Variants in CMPK2 observed in about 807,000 individuals in gnomAD.
The protein encoded by CMPK2 is cytidine/uridine monophosphate kinase 2, also known as UMP-CMP kinase 2, mitochondrial.
In CMPK2, 32 loss-of-function variants were observed where a neutral mutation model predicts 33.4. That is an observed-to-expected ratio of 0.96 (90% confidence interval 0.72 to 1.29). The LOEUF (loss-of-function observed/expected upper bound fraction) is 1.29, where lower values mean the gene tolerates loss of function less well. Among genes scored for constraint, CMPK2 ranks in the 50% most tolerant of loss-of-function variants. CMPK2 has a pLI of 0.00. For synonymous variants in CMPK2, 299 were observed against 275.3 expected, an observed-to-expected ratio of 1.09 and a Z score of -0.85; for missense variants, 672 against 616.0, an observed-to-expected ratio of 1.09 and a Z score of -0.96.
rs774970256 is a variant in CMPK2, at chr2:6,849,604, T to C, written c.*246A>G. Reference sequence around the variant, plus strand: ...ACATATGTTCCAAGAAAATGTTTACTATGCCAGGAAGAAAGCAATCGCTGG... The same window carrying C: ...ACATATGTTCCAAGAAAATGTTTACCATGCCAGGAAGAAAGCAATCGCTGG... On this transcript the variant is annotated 3_prime_UTR_variant, in exon 5 of 5. Coordinates refer to ENST00000256722, the MANE Select transcript of CMPK2 (RefSeq NM_207315.4). 6 of 1,282,670 alleles carry C rather than the reference T, an allele frequency of 4.7e-6. No individual in the cohort carries two copies. In the South Asian group the frequency reaches 8.0e-5, roughly 17 times the overall value. 79.5% of individuals were successfully genotyped at this position (1,282,670 alleles called of 1,614,324 possible).
intron 3 of CMPK2, among the ~76,000 whole-genome samples, chr2:6,857,673 C>T (rs140016236): frequency 0.017 from 2,372 of 138,460 alleles, 65 homozygotes; most frequent in African/African-American, 0.061. Flanking sequence ...GTCTCGCTGT[C>T]GCCCAGGCTG....
intron 4 of CMPK2, chr2:6,851,210 A>G: frequency 7.6e-7 from 1 of 1,317,964 alleles, no homozygotes; most frequent in African/African-American, 1.5e-5. Context: ...CTCCTAGCAC[A>G]GCCAGGATCA....
chr2:6,861,989 G>A (rs1406022321), intron 2 of CMPK2: 2 of 152,922 alleles, frequency 1.3e-5, no homozygotes, highest in African/African-American at 2.4e-5. Context: ...TCGGGTGACA[G>A]ATTAGTCCCT....
Position 6,853,805 on chromosome 2 carries a change from G to A in CMPK2, c.993-2122C>T, listed in dbSNP as rs1397136022. Among the ~76,000 whole-genome samples the A allele has an allele frequency of 2.6e-5, 4 of 152,240 alleles. No individual in the cohort carries two copies. In the East Asian group the frequency reaches 7.7e-4, roughly 29 times the overall value. On this transcript the variant is annotated intron_variant, in intron 3 of 4. Transcript: ENST00000256722. The stretch of plus-strand genomic sequence containing the variant: ...TAGTCCCAGCTACTCGGGAGGCTGA[G>A]GCAGGAGAATGGCGTGAACCCGGAA...
At chr2:6,845,117 G>T (rs1662326257), downstream of CMPK2, among the ~76,000 whole-genome samples, 1 of 152,154 alleles carries the variant, frequency 6.6e-6, no homozygotes, top group African/African-American at 2.4e-5. Context: ...GCAGGGCAAA[G>T]AAAGCTTGTA....
intron 3 of CMPK2, among the ~76,000 whole-genome samples, chr2:6,860,930 C>A (rs1242710412): frequency 6.6e-6 from 1 of 152,138 alleles, no homozygotes; most frequent in Non-Finnish European, 1.5e-5. Context: ...TAACATTCAC[C>A]TACCCAAGTT....
chr2:6,845,828 A>T (rs1662346062), downstream of CMPK2, among the ~76,000 whole-genome samples: 1 of 152,194 alleles, frequency 6.6e-6, no homozygotes. Context: ...AAAAAATCCC[A>T]TTGTAGTTGA....
intron 3 of CMPK2, among the ~76,000 whole-genome samples, chr2:6,856,738 G>A (rs190600830): frequency 1.2e-4 from 19 of 152,226 alleles, no homozygotes; most frequent in Admixed American, 1.0e-3. Context: ...TTTGCAGTAT[G>A]GATAACTGCA....
At chr2:6,862,196 G>A (rs188426827) in intron 2 of CMPK2, 5 of 152,188 alleles carry the variant, frequency 3.3e-5, no homozygotes, top group South Asian at 2.1e-4. Flanking sequence ...TTGTCAGGAC[G>A]GACCCTAACA....
chr2:6,865,624 C>T lies in CMPK2; in HGVS notation c.73G>A (p.Gly25Arg), dbSNP rs919639146. Residue 25 changes from glycine to arginine, a missense_variant, in exon 1 of 5, where the codon GGG becomes AGG. By Grantham distance (125) the Gly-to-Arg change is moderately radical. Transcript: ENST00000256722. The stretch of plus-strand genomic sequence containing the variant: ...AAGCGGCGCGGCGGAGCCATGGCCC[C>T]AGCGCAGACCCCGCGCCGCCCGAGC... The part of the protein sequence containing the change: ...PLLGRRGVCA[G>R]AMAPPRRFVL... 49 of 1,373,516 alleles carry T rather than the reference C, an allele frequency of 3.6e-5. No individual in the cohort carries two copies. In the African/African-American group the frequency reaches 7.0e-4, roughly 20 times the overall value. The allele number at this position is 1,373,516 out of a possible 1,614,324, so 85.1% of individuals were successfully genotyped here. A position where few individuals can be genotyped will look rare whatever the true frequency, so the allele number is the denominator to read the frequency against.
rs180704183 is a variant in CMPK2, at chr2:6,854,716, T to C, written c.993-3033A>G. 7.1e-4 allele frequency among the ~76,000 whole-genome samples: 108 copies of C among 152,316 alleles called. 1 individual carries two copies. Among genetic ancestry groups the C allele is most frequent in the African/African-American group, 2.5e-3 (104 of 41,554 alleles). ...CACATTAGTTCAAATCAAAAGCAAT[T>C]TGCCAACACATTATACACTGCTCAT... is the stretch of plus-strand genomic sequence containing the variant. On this transcript the variant is annotated intron_variant, in intron 3 of 4. Coordinates refer to ENST00000256722, the MANE Select transcript of CMPK2 (RefSeq NM_207315.4).
rs775975788 is a variant in CMPK2, at chr2:6,865,126, G to A, written c.571C>T (p.Gln191Ter). 6.6e-7 allele frequency: 1 copy of A among 1,519,866 alleles called. No homozygotes were observed. The highest frequency in any genetic ancestry group is 1.4e-5 in the African/African-American group (1 of 69,608). 94.1% of individuals were successfully genotyped at this position (1,519,866 alleles called of 1,614,324 possible). A position where few individuals can be genotyped will look rare whatever the true frequency, so the allele number is the denominator to read the frequency against. The change falls in exon 1 of 5, where the codon CAG becomes TAG. Residue 191 changes from glutamine (Q) to a stop codon, truncating the protein, a stop_gained. Coordinates refer to ENST00000256722, the MANE Select transcript of CMPK2 (RefSeq NM_207315.4). LOFTEE classifies it high-confidence loss of function. ...GGGGGCTCCGGGACGGGCACGACCTGTGCGCAGCCCACCTGCAGCCGCCTG... is the reference window on the plus strand; with the variant it reads ...GGGGGCTCCGGGACGGGCACGACCTATGCGCAGCCCACCTGCAGCCGCCTG... Reference protein sequence around the residue: ...DGRRLQVGCAQVVPVPEPPLH... With the variant: ...DGRRLQVGCA
At chr2:6,842,451 C>T (rs1662257607) in intron 3 of CMPK2, among the ~76,000 whole-genome samples, 2 of 152,206 alleles carry the variant, frequency 1.3e-5, no homozygotes, top group African/African-American at 2.4e-5. Flanking sequence ...ACCAGCAAAG[C>T]CACCACTGCA....
At chr2:6,864,157 C>T (rs1355280541) in intron 1 of CMPK2, among the ~76,000 whole-genome samples, 1 of 152,058 alleles carries the variant, frequency 6.6e-6, no homozygotes, top group Non-Finnish European at 1.5e-5. Flanking sequence ...GCATGGCAAT[C>T]TTCTAAGTGC....
At position 6,848,612 on chromosome 2, in the gene CMPK2, T is replaced by C. The variant is rs1217960997; in HGVS notation, c.*1238A>G. On this transcript the variant is annotated 3_prime_UTR_variant, in exon 5 of 5. Coordinates refer to ENST00000256722, the MANE Select transcript of CMPK2 (RefSeq NM_207315.4). ...CTTTATTAGAATTTAAGATTCTATA[T>C]GCAGACCTGATAAAGCCTTAAATTT... 8 of 962,892 alleles carry C rather than the reference T, an allele frequency of 8.3e-6. No homozygotes were observed. Among genetic ancestry groups the C allele is most frequent in the Admixed American group, 1.2e-4 (2 of 16,242 alleles). The allele number at this position is 962,892 out of a possible 1,614,324, so 59.6% of individuals were successfully genotyped here. A position where few individuals can be genotyped will look rare whatever the true frequency, so the allele number is the denominator to read the frequency against.
rs760646156 is a variant in CMPK2, at chr2:6,865,318, C to A, written c.379G>T (p.Ala127Ser). The A allele has an allele frequency of 5.3e-6, 8 of 1,498,938 alleles. No individual in the cohort carries two copies. The South Asian group carries it at 1.0e-4, about 19-fold the overall frequency. 92.9% of individuals were successfully genotyped at this position (1,498,938 alleles called of 1,614,324 possible). ...TCGCGCAGCAGGAAGCCTTGCTGTG[C>A]GCCGCCGGCCTGGCCGCCCGGGCAG... ...CYCPGGQAGGAQQGFLLRDPL... is the reference protein window; with the variant it reads ...CYCPGGQAGGSQQGFLLRDPL... Residue 127 changes from alanine (A) to serine (S), a missense_variant, in exon 1 of 5, where the codon GCA becomes TCA. Coordinates refer to ENST00000256722, the MANE Select transcript of CMPK2 (RefSeq NM_207315.4).
chr2:6,844,826 T>TA, downstream of CMPK2, among the ~76,000 whole-genome samples: 1 of 152,314 alleles, frequency 6.6e-6, no homozygotes, highest in South Asian at 2.1e-4. Context: ...ATAAAACACT[T>TA]ACGTTAAATT....
At chr2:6,864,932 C>G in intron 1 of CMPK2, 90 bp downstream of exon 1, 1 of 1,334,298 alleles carries the variant, frequency 7.5e-7, no homozygotes, top group Non-Finnish European at 9.6e-7. Flanking sequence ...CAGGCAAGAA[C>G]CGGCTCTACA....
chr2:6,850,009 T>C, intron 4 of CMPK2, 36 bp from the exon 5 acceptor site: 2 of 1,484,976 alleles, frequency 1.3e-6, no homozygotes, highest in Non-Finnish European at 1.9e-6. Flanking sequence ...TTGGTCTACT[T>C]TTTCACACAG....
Sources: gnomAD v4.1 joint callset for allele counts (sites outside exome capture counted in the v4.1 genomes callset) on GRCh38, gnomAD v4.1.1 for gene constraint, MANE v1.5 for transcripts, NCBI Gene and HGNC (gene_info 2026-07-23, HGNC 2026-07-21) for gene names.